The following VPS39 variants were observed in gnomAD, a reference collection of about 807,000 sequenced individuals.
VPS39 encodes the protein vam6/Vps39-like protein.
VPS39 carries 70 observed loss-of-function variants against 121.0 expected under a neutral mutation model. The ratio of observed to expected loss-of-function variants is 0.58; its 90% CI spans 0.48 to 0.71. The LOEUF (loss-of-function observed/expected upper bound fraction) is 0.71, where lower values mean the gene tolerates loss of function less well. VPS39 is among the 30% of genes least tolerant of loss of function. VPS39 has a pLI of 0.00. For missense variants in VPS39, 818 were observed against 1,051.5 expected, an observed-to-expected ratio of 0.78 and a Z score of 3.07; for synonymous variants, 378 against 398.1, an observed-to-expected ratio of 0.95 and a Z score of 0.60.
chr15:42,192,642 C>CT (rs2049851918), intron 2 of VPS39, among the ~76,000 whole-genome samples: 1 of 152,020 alleles, frequency 6.6e-6, no homozygotes, highest in East Asian at 1.9e-4. Flanking sequence ...AGAAAGGGCC[C>CT]TAAAGTTGCA....
chr15:42,161,978 G>A, intron 23 of VPS39, 54 bp downstream of exon 23: 1 of 1,610,624 alleles, frequency 6.2e-7, no homozygotes, highest in East Asian at 2.2e-5. Flanking sequence ...TGTGGACATT[G>A]TCTCATACTA....
At position 42,167,501 on chromosome 15, in the gene VPS39, CAG is replaced by C; in HGVS notation, c.1268_1269del (p.Ser423Ter). ...AGCGGTGAGGTGCTTGACTGGTGAT[CAG>C]AGTCATTCAGCTTCTTTACCAATTG... Reference protein sequence around the residue: ...RSQLVKKLNDSDHQSSTSPLM... With the variant: ...RSQLVKKLNDXDHQSSTSPLM... On this transcript the variant is annotated frameshift_variant, in exon 13 of 25. Coordinates refer to ENST00000318006, the MANE Select transcript of VPS39 (RefSeq NM_015289.5). LOFTEE classifies it high-confidence loss of function. 1 of 1,614,082 alleles carries C rather than the reference CAG, an allele frequency of 6.2e-7. No homozygotes were observed. The highest frequency in any genetic ancestry group is 8.5e-7 in the Non-Finnish European group (1 of 1,180,020).
chr15:42,186,805 G>A (rs1167497814), intron 7 of VPS39, among the ~76,000 whole-genome samples: 2 of 152,098 alleles, frequency 1.3e-5, no homozygotes, highest in South Asian at 2.1e-4. Context: ...TAATAAACAC[G>A]TGTAAAAACA....
chr15:42,199,985 A>ACAAAT, intron 1 of VPS39, 24 bp from the exon 2 acceptor site: 1 of 1,549,656 alleles, frequency 6.5e-7, no homozygotes, highest in Non-Finnish European at 8.6e-7. Context: ...ACAAAACAAA[A>ACAAAT]ACAAAAACAA....
chr15:42,190,377 T>C (rs2049801959), intron 4 of VPS39, among the ~76,000 whole-genome samples: 1 of 152,168 alleles, frequency 6.6e-6, no homozygotes, highest in Non-Finnish European at 1.5e-5. Flanking sequence ...AGGAACAACA[T>C]TTAACATGAT....
intron 10 of VPS39, among the ~76,000 whole-genome samples, chr15:42,175,813 G>A (rs1263799245): frequency 6.6e-6 from 1 of 152,016 alleles, no homozygotes; most frequent in Non-Finnish European, 1.5e-5. Flanking sequence ...GATAGACACA[G>A]GCCACACTTT....
chr15:42,164,933 G>A (rs2049211893), intron 18 of VPS39, 63 bp downstream of exon 18: 2 of 1,601,114 alleles, frequency 1.2e-6, no homozygotes, highest in Non-Finnish European at 1.7e-6. Flanking sequence ...ACCACACGTG[G>A]CACCTGGGTC....
At position 42,195,598 on chromosome 15, in the gene VPS39, G is replaced by T. The variant is rs533789865; in HGVS notation, c.140-4038C>A. On this transcript the variant is annotated intron_variant, in intron 2 of 24. Transcript: ENST00000318006. ...TGCTTCAAAGAGAATAAAATACCTA[G>T]GAATCCAACTTACAAGGGATGTGAA... Among the ~76,000 whole-genome samples the T allele has an allele frequency of 6.7e-3, 1,020 of 152,206 alleles. 13 individuals carry two copies. The highest frequency in any genetic ancestry group is 0.024 in the African/African-American group (987 of 41,532).
At chr15:42,175,398 C>T (rs2049430785) in intron 10 of VPS39, among the ~76,000 whole-genome samples, 1 of 147,406 alleles carries the variant, frequency 6.8e-6, no homozygotes, top group Non-Finnish European at 1.5e-5. Flanking sequence ...TAGAGGAAGA[C>T]TCTGTCTCGG....
rs549537991 is a variant in VPS39, at chr15:42,166,439, G to A, written c.1606+124C>T. On this transcript the variant is annotated intron_variant, in intron 15 of 24. Transcript: ENST00000318006. ...CCGAGGGACTTTTATGCCATTTGGA[G>A]GAATGAAATTGAGTGAACACGAGCA... 2.0e-4 allele frequency: 243 copies of A among 1,227,814 alleles called. No individual in the cohort carries two copies. In the African/African-American group the frequency reaches 3.1e-3, roughly 16 times the overall value. 76.1% of individuals were successfully genotyped at this position (1,227,814 alleles called of 1,614,324 possible).
chr15:42,193,897 C>A (rs1595677828), intron 2 of VPS39, among the ~76,000 whole-genome samples: 2 of 149,586 alleles, frequency 1.3e-5, no homozygotes, highest in Non-Finnish European at 1.5e-5. Flanking sequence ...TCTGAAAAAA[C>A]CACAACCTGT....
At chr15:42,193,149 T>C (rs983111784) in intron 2 of VPS39, among the ~76,000 whole-genome samples, 1 of 152,216 alleles carries the variant, frequency 6.6e-6, no homozygotes, top group Non-Finnish European at 1.5e-5. Flanking sequence ...AAAATCTTGA[T>C]AATCTTAAAA....
At chr15:42,193,443 C>G (rs773426203) in intron 2 of VPS39, among the ~76,000 whole-genome samples, 2 of 152,222 alleles carry the variant, frequency 1.3e-5, no homozygotes, top group Non-Finnish European at 2.9e-5. Context: ...TACACCAACA[C>G]TTAACAAATG....
Position 42,167,378 on chromosome 15 carries a change from C to A in VPS39, c.1377+16G>T, listed in dbSNP as rs200457453. On this transcript the variant is annotated intron_variant, in intron 13 of 24. Coordinates refer to ENST00000318006, the MANE Select transcript of VPS39 (RefSeq NM_015289.5). ...GTAACTGGGAATTGTGGCACCCGAG[C>A]GCTCAGGTAACTCACATGGAGATAG... 9 of 1,613,318 alleles carry A rather than the reference C, an allele frequency of 5.6e-6. No individual in the cohort carries two copies. In the African/African-American group the frequency reaches 9.3e-5, roughly 17 times the overall value.
At chr15:42,181,102 A>G (rs2049572012) in intron 8 of VPS39, among the ~76,000 whole-genome samples, 1 of 152,228 alleles carries the variant, frequency 6.6e-6, no homozygotes, top group Admixed American at 6.5e-5. Flanking sequence ...ACAGCAGCCA[A>G]TGGTGAAAGT....
intron 6 of VPS39, 97 bp from the exon 7 acceptor site, chr15:42,187,460 C>T: frequency 8.9e-7 from 1 of 1,125,290 alleles, no homozygotes; most frequent in South Asian, 1.6e-5. Flanking sequence ...CAAAACAACC[C>T]TCACCCTCAT....
chr15:42,186,593 G>C (rs1203888345), intron 7 of VPS39, among the ~76,000 whole-genome samples: 1 of 152,174 alleles, frequency 6.6e-6, no homozygotes, highest in Non-Finnish European at 1.5e-5. Context: ...TCTACATATA[G>C]TATGCATATT....
At chr15:42,199,761 T>A (rs1156957352) in intron 2 of VPS39, 135 bp downstream of exon 2, 1 of 902,874 alleles carries the variant, frequency 1.1e-6, no homozygotes, top group African/African-American at 1.7e-5. Flanking sequence ...CATTCTCAAG[T>A]CTTCTCCCCA....
At chr15:42,181,025 T>C (rs1407161709) in intron 8 of VPS39, among the ~76,000 whole-genome samples, 1 of 152,180 alleles carries the variant, frequency 6.6e-6, no homozygotes, top group Non-Finnish European at 1.5e-5. Flanking sequence ...GGGTACATAT[T>C]CAAAACAGTT....
Sources: gnomAD v4.1 joint callset for allele counts (sites outside exome capture counted in the v4.1 genomes callset) on GRCh38, gnomAD v4.1.1 for gene constraint, MANE v1.5 for transcripts, NCBI Gene and HGNC (gene_info 2026-07-23, HGNC 2026-07-21) for gene names.